Variants in PRDM5 observed in about 807,000 individuals in gnomAD.
PRDM5 encodes the protein PR domain zinc finger protein 5.
Under a neutral mutation model 81.2 loss-of-function variants are expected in PRDM5, and 56 were observed. The observed-to-expected ratio is 0.69, with a 90% CI of 0.56 to 0.86. The LOEUF is 0.86. Ranked by LOEUF, PRDM5 falls within the 40% of genes least tolerant of loss-of-function variation. The pLI is 0.00. For synonymous variants in PRDM5, 267 were observed against 256.4 expected (o/e 1.04, Z -0.39); for missense variants, 697 against 770.1 (o/e 0.91, Z 1.12).
rs762094367 is a variant in PRDM5, at chr4:120,816,590, C to G, written c.744-16G>C. On this transcript the variant is annotated splice_polypyrimidine_tract_variant and intron_variant, in intron 6 of 15. Transcript: ENST00000264808. ...CTGCTCAAAACTACAAGACAACCAG[C>G]AAAGCGGAACAGGAAGAAATGGTGA... 2 of 1,613,902 alleles carry G rather than the reference C, an allele frequency of 1.2e-6. No homozygotes were observed. Among genetic ancestry groups the G allele is most frequent in the South Asian group, 2.2e-5 (2 of 91,066 alleles).
intron 8 of PRDM5, among the ~76,000 whole-genome samples, chr4:120,805,243 C>T (rs28850273): frequency 0.29 from 44,264 of 151,928 alleles, 6,621 homozygotes; most frequent in East Asian, 0.37. Context: ...CAAGACCAGA[C>T]GGATTCACAG....
intron 14 of PRDM5, among the ~76,000 whole-genome samples, chr4:120,713,327 T>C (rs536465529): frequency 1.3e-5 from 2 of 152,302 alleles, no homozygotes; most frequent in South Asian, 4.1e-4. Flanking sequence ...TCCTTATGCA[T>C]GGGCAGTGAC....
intron 14 of PRDM5, among the ~76,000 whole-genome samples, chr4:120,718,083 G>A (rs1206831249): frequency 6.6e-6 from 1 of 152,146 alleles, no homozygotes; most frequent in Non-Finnish European, 1.5e-5. Context: ...TTAGGAGAAG[G>A]TTCAACTTGC....
intron 2 of PRDM5, among the ~76,000 whole-genome samples, chr4:120,854,492 C>A (rs561785272): frequency 6.6e-6 from 1 of 151,992 alleles, no homozygotes; most frequent in East Asian, 1.9e-4. Context: ...TCTAGATTTC[C>A]AAAATTTTAT....
Position 120,907,481 on chromosome 4 carries a change from A to AT in PRDM5, c.169dup (p.Met57AsnfsTer8). On this transcript the variant is annotated frameshift_variant, in exon 2 of 16. Transcript: ENST00000264808. LOFTEE classifies it high-confidence loss of function. ...AATAAGTCATATCCTCACCTCCCAC[A>AT]TCAACCTGTAATCCATATTTTCATC... The AT allele has an allele frequency of 6.2e-7, 1 of 1,606,164 alleles. No individual in the cohort carries two copies.
intron 3 of PRDM5, among the ~76,000 whole-genome samples, chr4:120,846,511 T>C (rs568372919): frequency 1.4e-4 from 21 of 152,332 alleles, no homozygotes; most frequent in South Asian, 4.1e-4. Context: ...TTTAAAGATA[T>C]GTGTATTTTT....
intron 2 of PRDM5, among the ~76,000 whole-genome samples, chr4:120,884,001 A>C (rs183144848): frequency 6.6e-6 from 1 of 152,216 alleles, no homozygotes; most frequent in Non-Finnish European, 1.5e-5. Flanking sequence ...TGGTGTATAA[A>C]TCTTAATAAA....
At chr4:120,878,322 T>C (rs1179752879) in intron 2 of PRDM5, among the ~76,000 whole-genome samples, 1 of 152,228 alleles carries the variant, frequency 6.6e-6, no homozygotes, top group Non-Finnish European at 1.5e-5. Context: ...AAGGATAGTC[T>C]TTTCAACAAA....
intron 2 of PRDM5, among the ~76,000 whole-genome samples, chr4:120,865,706 T>C (rs960259498): frequency 6.6e-6 from 1 of 152,172 alleles, no homozygotes; most frequent in Admixed American, 6.5e-5. Context: ...CTGAGATGGG[T>C]AACCTGAATG....
rs568339756 is a variant in PRDM5 at position 120,906,269 on chromosome 4, T to G, written c.177+1205A>C. On this transcript the variant is annotated intron_variant, in intron 2 of 15. Coordinates refer to ENST00000264808, the MANE Select transcript of PRDM5 (RefSeq NM_018699.4). ...TAGGCACAAGCCACTGTGCCTGGCT[T>G]GTATAGATACATTGGATCCACAAAT... Among the ~76,000 whole-genome samples the G allele has an allele frequency of 5.8e-4, 89 of 152,252 alleles. No homozygotes were observed. The South Asian group carries it at 0.017, about 30-fold the overall frequency.
At chr4:120,816,315 T>G in intron 7 of PRDM5, 138 bp downstream of exon 7, 4 of 1,403,040 alleles carry the variant, frequency 2.9e-6, no homozygotes, top group Non-Finnish European at 4.0e-6. Context: ...AAGAAAAAAA[T>G]CCACTGCCAG....
At chr4:120,753,873 T>C (rs978589860) in intron 14 of PRDM5, among the ~76,000 whole-genome samples, 2 of 152,192 alleles carry the variant, frequency 1.3e-5, no homozygotes, top group Admixed American at 6.5e-5. Context: ...AAGTGTCTAA[T>C]TGTGCTTAAA....
intron 15 of PRDM5, among the ~76,000 whole-genome samples, chr4:120,703,294 T>C (rs12648711): frequency 0.07 from 10,630 of 152,202 alleles, 429 homozygotes; most frequent in South Asian, 0.11. Flanking sequence ...CAAGCAATCC[T>C]CCCACCTCAG....
chr4:120,747,364 G>C (rs544920670), intron 14 of PRDM5, among the ~76,000 whole-genome samples: 1 of 151,458 alleles, frequency 6.6e-6, no homozygotes, highest in East Asian at 1.9e-4. Flanking sequence ...CAGCACACCA[G>C]CATGGCACAT....
chr4:120,899,596 T>C (rs1340921282), intron 2 of PRDM5, among the ~76,000 whole-genome samples: 4 of 152,162 alleles, frequency 2.6e-5, no homozygotes, highest in African/African-American at 9.7e-5. Flanking sequence ...CACAGTCAAC[T>C]CAGAACACTT....
At chr4:120,704,998 T>C (rs957922683) in intron 15 of PRDM5, among the ~76,000 whole-genome samples, 1 of 152,156 alleles carries the variant, frequency 6.6e-6, no homozygotes, top group South Asian at 2.1e-4. Context: ...GAAATCATGG[T>C]AATCATTTCA....
intron 2 of PRDM5, among the ~76,000 whole-genome samples, chr4:120,883,007 G>A (rs9995815): frequency 1.4e-3 from 214 of 152,298 alleles, no homozygotes; most frequent in African/African-American, 5.0e-3. Context: ...GTCCCCTGTA[G>A]TACTCGCTGG....
rs150539758 is a variant in PRDM5, at chr4:120,829,437, C to T, written c.301-8092G>A. Reference sequence around the variant, plus strand: ...TTCTCTGATAATTTGCTCTTTGTCTCTTCTCAAGTGCCATGCCTCACTAGG... The same window carrying T: ...TTCTCTGATAATTTGCTCTTTGTCTTTTCTCAAGTGCCATGCCTCACTAGG... On this transcript the variant is annotated intron_variant, in intron 3 of 15. Transcript: ENST00000264808. Among the ~76,000 whole-genome samples the T allele has an allele frequency of 1.3e-3, 201 of 152,214 alleles. 1 individual carries two copies. Among genetic ancestry groups the T allele is most frequent in the African/African-American group, 4.5e-3 (188 of 41,546 alleles).
chr4:120,798,428 T>C lies in PRDM5; in HGVS notation c.1031-4A>G, dbSNP rs763697951. The C allele has an allele frequency of 6.3e-7, 1 of 1,592,886 alleles. No homozygotes were observed. The highest frequency in any genetic ancestry group is 8.6e-7 in the Non-Finnish European group (1 of 1,164,006). On this transcript the variant is annotated splice_polypyrimidine_tract_variant and splice_region_variant and intron_variant, in intron 9 of 15. Coordinates refer to ENST00000264808, the MANE Select transcript of PRDM5 (RefSeq NM_018699.4). ...TCGCAATTATAGGGTCGTTTTTCTATTAAAAAAATGAGTGGAGACAATCTC... is the reference window on the plus strand; with the variant it reads ...TCGCAATTATAGGGTCGTTTTTCTACTAAAAAAATGAGTGGAGACAATCTC...
Sources: gnomAD v4.1 joint callset for allele counts (sites outside exome capture counted in the v4.1 genomes callset) on GRCh38, gnomAD v4.1.1 for gene constraint, MANE v1.5 for transcripts, NCBI Gene and HGNC (gene_info 2026-07-23, HGNC 2026-07-21) for gene names.